Variants in USP34 observed in about 807,000 individuals in gnomAD.
USP34 encodes the protein ubiquitin carboxyl-terminal hydrolase 34.
A neutral mutation model predicts 460.3 loss-of-function variants in USP34; 70 were observed. The observed-to-expected ratio is 0.15, with a 90% confidence interval of 0.13 to 0.19. The LOEUF (loss-of-function observed/expected upper bound fraction) is 0.19, where lower values mean the gene tolerates loss of function less well. Among genes scored for constraint, USP34 ranks in the 10% least tolerant of loss-of-function variants. The probability of loss-of-function intolerance (pLI) is 1.00; values close to 1 mark genes in which losing one functional copy is unlikely to be tolerated. For synonymous variants in USP34, 1,647 were observed against 1,405.3 expected, an observed-to-expected ratio of 1.17 and a Z score of -3.85; for missense variants, 3,985 against 4,236.2, an observed-to-expected ratio of 0.94 and a Z score of 1.65.
At chr2:61,378,918 A>AAAAAAAAAAAAAAAT (rs1692881825) in intron 7 of USP34, among the ~76,000 whole-genome samples, 1 of 147,938 alleles carries the variant, frequency 6.8e-6, no homozygotes, top group Non-Finnish European at 1.5e-5. Flanking sequence ...AAAACGAAAA[A>AAAAAAAAAAAAAAAT]AAAAAAAAAA....
intron 27 of USP34, among the ~76,000 whole-genome samples, chr2:61,304,846 T>G (rs1030179158): frequency 3.9e-5 from 6 of 152,234 alleles, no homozygotes; most frequent in African/African-American, 1.4e-4. Flanking sequence ...TTACTACTTT[T>G]GAGAAGATCT....
intron 78 of USP34, 93 bp from the exon 79 acceptor site, chr2:61,189,162 A>G: frequency 7.4e-7 from 1 of 1,358,028 alleles, no homozygotes. Flanking sequence ...TTTTCCCAGG[A>G]ATCCATTCTT....
At chr2:61,329,073 G>A (rs1691180910) in intron 20 of USP34, among the ~76,000 whole-genome samples, 1 of 152,228 alleles carries the variant, frequency 6.6e-6, no homozygotes, top group Admixed American at 6.5e-5. Flanking sequence ...CCAGGCTGAA[G>A]TGCAGTGGTG....
At chr2:61,427,317 C>T (rs1031333506) in intron 1 of USP34, among the ~76,000 whole-genome samples, 3 of 152,170 alleles carry the variant, frequency 2.0e-5, no homozygotes, top group Non-Finnish European at 4.4e-5. Context: ...CATGAGCCAC[C>T]GTGCCCGGCC....
intron 30 of USP34, among the ~76,000 whole-genome samples, chr2:61,296,139 T>G (rs1232167521): frequency 6.6e-6 from 1 of 151,968 alleles, no homozygotes; most frequent in Admixed American, 6.6e-5. Context: ...ACGCCTATGG[T>G]CTCAGCTACT....
intron 1 of USP34, among the ~76,000 whole-genome samples, chr2:61,427,223 T>TTTCAC (rs1694539088): frequency 6.6e-6 from 1 of 152,098 alleles, no homozygotes; most frequent in Non-Finnish European, 1.5e-5. Flanking sequence ...AGAGACAGGG[T>TTTCAC]TTCACCATGT....
At position 61,471,035 on chromosome 2, in the gene USP34, A is replaced by C; in HGVS notation, c.-343T>G. ...GCAGCAGAGTCACTTCACCGACCAG[A>C]CGCCGCGGCCACCGCCGACGCCGCC... is the stretch of plus-strand genomic sequence containing the variant. On this transcript the variant is annotated 5_prime_UTR_variant, in exon 1 of 80. Transcript: ENST00000398571. Among the ~76,000 whole-genome samples the C allele has an allele frequency of 6.8e-6, 1 of 147,426 alleles. No individual in the cohort carries two copies. The highest frequency in any genetic ancestry group is 2.5e-5 in the African/African-American group (1 of 40,484).
At chr2:61,254,211 T>C (rs1688661509) in intron 48 of USP34, among the ~76,000 whole-genome samples, 1 of 152,260 alleles carries the variant, frequency 6.6e-6, no homozygotes, top group Admixed American at 6.5e-5. Context: ...TTGATTATTT[T>C]CTTCTTGAGA....
chr2:61,443,284 GC>G (rs978308827), intron 1 of USP34, among the ~76,000 whole-genome samples: 5 of 151,872 alleles, frequency 3.3e-5, no homozygotes, highest in Admixed American at 2.6e-4. Context: ...CTACAAAGAG[GC>G]CACAGAAGGT....
chr2:61,214,271 A>G lies in USP34; in HGVS notation c.8471T>C (p.Val2824Ala), dbSNP rs1225774445. ...ATTGAAGGCAATGTTCTTGGTTACCACTGGGTTCTGAACAATAAGGCGGAT... is the reference window on the plus strand; with the variant it reads ...ATTGAAGGCAATGTTCTTGGTTACCGCTGGGTTCTGAACAATAAGGCGGAT... Reference protein sequence around the residue: ...ENIRLIVQNPVVTKNIAFNYI... With the variant: ...ENIRLIVQNPAVTKNIAFNYI... The change falls in exon 68 of 80, where the codon GTG (valine) becomes GCG (alanine). Residue 2824 changes from valine (V) to alanine (A), a missense_variant. By Grantham distance (64) the Val-to-Ala change is moderately conservative. This residue lies in a region of USP34 where 66 missense variants were observed against 121.2 expected (regional missense o/e 0.54). Coordinates refer to ENST00000398571, the MANE Select transcript of USP34 (RefSeq NM_014709.4). 1 of 1,614,220 alleles carries G rather than the reference A, an allele frequency of 6.2e-7. No homozygotes were observed.
At chr2:61,413,121 C>A (rs919461534) in intron 2 of USP34, among the ~76,000 whole-genome samples, 3 of 152,094 alleles carry the variant, frequency 2.0e-5, no homozygotes, top group Middle Eastern at 3.4e-3. Flanking sequence ...GGAGGCCGGG[C>A]GCGGTGGCTC....
intron 53 of USP34, among the ~76,000 whole-genome samples, chr2:61,239,353 G>A (rs1011819037): frequency 9.0e-6 from 1 of 110,804 alleles, no homozygotes; most frequent in Admixed American, 8.8e-5. Context: ...CACACACACA[G>A]AAGTTTGAGA....
At chr2:61,419,701 G>C (rs1232163836) in intron 2 of USP34, among the ~76,000 whole-genome samples, 1 of 152,046 alleles carries the variant, frequency 6.6e-6, no homozygotes, top group East Asian at 1.9e-4. Flanking sequence ...TTGCCACCTA[G>C]CTGTAGTTAC....
At chr2:61,375,812 A>G (rs1692780820) in intron 8 of USP34, among the ~76,000 whole-genome samples, 1 of 151,314 alleles carries the variant, frequency 6.6e-6, no homozygotes, top group Non-Finnish European at 1.5e-5. Flanking sequence ...CAATCCAAAT[A>G]TCCATCAACT....
chr2:61,262,339 C>T (rs936308215), intron 43 of USP34, among the ~76,000 whole-genome samples: 7 of 151,930 alleles, frequency 4.6e-5, no homozygotes, highest in African/African-American at 2.4e-5. Context: ...TTCCTCTTCC[C>T]ACACTCCACC....
intron 2 of USP34, among the ~76,000 whole-genome samples, chr2:61,413,748 C>A (rs1358443325): frequency 6.9e-6 from 1 of 145,518 alleles, no homozygotes; most frequent in Non-Finnish European, 1.5e-5. Context: ...GAGGCCAAGG[C>A]GGGTGGATTG....
chr2:61,235,824 G>C (rs1416100358), intron 57 of USP34, 21 bp downstream of exon 57: 1 of 1,605,248 alleles, frequency 6.2e-7, no homozygotes, highest in South Asian at 1.1e-5. Context: ...CTATGCATTA[G>C]TTGTTGAATT....
At chr2:61,233,722 G>C (rs1299286954) in intron 57 of USP34, among the ~76,000 whole-genome samples, 2 of 152,036 alleles carry the variant, frequency 1.3e-5, no homozygotes, top group Non-Finnish European at 2.9e-5. Context: ...CTACTCGGGA[G>C]GCTGAGGGAG....
chr2:61,226,963 A>G, intron 62 of USP34, 104 bp downstream of exon 62: 1 of 1,255,386 alleles, frequency 8.0e-7, no homozygotes, highest in African/African-American at 1.5e-5. Context: ...TTACATAATT[A>G]AACATATATA....
Sources: allele counts gnomAD v4.1 joint callset (sites outside exome capture counted in the v4.1 genomes callset), GRCh38; gene constraint gnomAD v4.1.1; regional missense constraint gnomAD v4.1.1; transcripts MANE v1.5; gene names NCBI Gene and HGNC (gene_info 2026-07-23, HGNC 2026-07-21).